The following CNTNAP2 variants were observed in gnomAD, a reference collection of about 807,000 sequenced individuals.
CNTNAP2 encodes contactin associated protein 2.
In CNTNAP2, 98 loss-of-function variants were observed where a neutral mutation model predicts 155.2. The observed-to-expected ratio is 0.63, with a 90% confidence interval of 0.54 to 0.75. The LOEUF is 0.75. Among genes scored for constraint, CNTNAP2 ranks in the 30% least tolerant of loss-of-function variants. The pLI, the probability that CNTNAP2 is intolerant of heterozygous loss-of-function variation, is 0.00. For missense variants in CNTNAP2, 1,727 were observed against 1,688.1 expected (o/e 1.02, Z -0.40); for synonymous variants, 651 against 631.2 (o/e 1.03, Z -0.47).
chr7:147,189,175 C>T (rs987421), intron 8 of CNTNAP2, among the ~76,000 whole-genome samples: 80,824 of 151,934 alleles, frequency 0.53, 22,084 homozygotes, highest in South Asian at 0.7. Context: ...AAATAAATAA[C>T]TTTTTTAAGA....
chr7:146,646,446 A>G (rs1165187079), intron 1 of CNTNAP2, among the ~76,000 whole-genome samples: 3 of 152,326 alleles, frequency 2.0e-5, no homozygotes, highest in African/African-American at 4.8e-5. Flanking sequence ...TATAAGTAGT[A>G]TAATATATAG....
intron 4 of CNTNAP2, among the ~76,000 whole-genome samples, chr7:147,091,675 G>A (rs894284265): frequency 2.0e-5 from 3 of 150,400 alleles, no homozygotes; most frequent in African/African-American, 7.3e-5. Context: ...GTGCGATCTC[G>A]GCTCACTGCA....
intron 13 of CNTNAP2, among the ~76,000 whole-genome samples, chr7:147,837,615 C>A (rs568068786): frequency 6.6e-6 from 1 of 152,112 alleles, no homozygotes; most frequent in Non-Finnish European, 1.5e-5. Flanking sequence ...TCCCTTCTGC[C>A]TATGAGCCAG....
At chr7:147,299,042 T>C (rs781050472) in intron 8 of CNTNAP2, among the ~76,000 whole-genome samples, 1 of 152,152 alleles carries the variant, frequency 6.6e-6, no homozygotes. Flanking sequence ...TTCTCTTTCT[T>C]TTGTGAAACT....
intron 10 of CNTNAP2, among the ~76,000 whole-genome samples, chr7:147,433,162 G>A (rs1797493908): frequency 2.0e-5 from 3 of 152,120 alleles, no homozygotes; most frequent in South Asian, 2.1e-4. Context: ...CCCCTGTGTC[G>A]TGACGCCTCT....
intron 1 of CNTNAP2, among the ~76,000 whole-genome samples, chr7:146,767,990 A>G (rs1314411186): frequency 1.3e-5 from 2 of 152,194 alleles, no homozygotes; most frequent in African/African-American, 4.8e-5. Flanking sequence ...AAGTTAAGTT[A>G]AACTTGACCC....
chr7:147,723,977 T>C (rs1464700154), intron 13 of CNTNAP2, among the ~76,000 whole-genome samples: 1 of 152,000 alleles, frequency 6.6e-6, no homozygotes, highest in African/African-American at 2.4e-5. Flanking sequence ...CTCTGTGATC[T>C]GCACAGTGTA....
chr7:148,144,519 A>G (rs1859538), intron 16 of CNTNAP2, among the ~76,000 whole-genome samples: 42,077 of 152,054 alleles, frequency 0.28, 6,012 homozygotes, highest in East Asian at 0.35. Flanking sequence ...TTCTGCCAGC[A>G]TCATCAGACT....
chr7:148,070,830 G>C (rs944238680), intron 15 of CNTNAP2, among the ~76,000 whole-genome samples: 4 of 152,126 alleles, frequency 2.6e-5, no homozygotes, highest in Non-Finnish European at 5.9e-5. Context: ...GGTAAACTTT[G>C]TTATATGGAA....
chr7:146,219,069 G>A (rs768649952), intron 1 of CNTNAP2, among the ~76,000 whole-genome samples: 1 of 152,138 alleles, frequency 6.6e-6, no homozygotes. Context: ...CAAAAGAGAC[G>A]CCAGGACCTT....
chr7:146,255,822 G>A (rs1799828652), intron 1 of CNTNAP2, among the ~76,000 whole-genome samples: 1 of 152,158 alleles, frequency 6.6e-6, no homozygotes, highest in African/African-American at 2.4e-5. Flanking sequence ...TTGCACTGTA[G>A]CAGTCCATTG....
At chr7:146,515,238 C>T (rs1204658418) in intron 1 of CNTNAP2, among the ~76,000 whole-genome samples, 1 of 152,010 alleles carries the variant, frequency 6.6e-6, no homozygotes, top group Non-Finnish European at 1.5e-5. Flanking sequence ...CAAAATGCTT[C>T]CCAACACATC....
At chr7:147,807,830 TTTGAG>T (rs1798116138) in intron 13 of CNTNAP2, among the ~76,000 whole-genome samples, 1 of 152,144 alleles carries the variant, frequency 6.6e-6, no homozygotes. Context: ...TAAGAGTTGT[TTTGAG>T]TTAAGCATTA....
intron 1 of CNTNAP2, among the ~76,000 whole-genome samples, chr7:146,186,320 A>G (rs1464959): frequency 0.3 from 46,185 of 152,070 alleles, 8,183 homozygotes; most frequent in African/African-American, 0.49. Context: ...CAACAGAAGG[A>G]AAAATGATTT....
intron 1 of CNTNAP2, among the ~76,000 whole-genome samples, chr7:146,135,287 G>A (rs1213143551): frequency 6.6e-6 from 1 of 151,984 alleles, no homozygotes; most frequent in East Asian, 1.9e-4. Flanking sequence ...TAATAGTGTA[G>A]TTCTATGATA....
chr7:146,225,108 G>C (rs1451171100), intron 1 of CNTNAP2, among the ~76,000 whole-genome samples: 1 of 152,150 alleles, frequency 6.6e-6, no homozygotes, highest in African/African-American at 2.4e-5. Flanking sequence ...TGAATACAGA[G>C]AGTGACTTTA....
intron 1 of CNTNAP2, among the ~76,000 whole-genome samples, chr7:146,569,444 G>C (rs1051117789): frequency 6.6e-6 from 1 of 152,156 alleles, no homozygotes; most frequent in African/African-American, 2.4e-5. Context: ...ACTTTATCTT[G>C]AGTGAAAAGA....
intron 3 of CNTNAP2, among the ~76,000 whole-genome samples, chr7:146,984,464 T>A (rs1045363236): frequency 6.6e-6 from 1 of 152,032 alleles, no homozygotes; most frequent in African/African-American, 2.4e-5. Context: ...TTTTTTTCTC[T>A]CTCCTATTCT....
At chr7:147,687,408 T>C (rs1160343694) in intron 13 of CNTNAP2, among the ~76,000 whole-genome samples, 1 of 152,122 alleles carries the variant, frequency 6.6e-6, no homozygotes, top group Admixed American at 6.6e-5. Flanking sequence ...ATATTTTTTC[T>C]GATTCTTTTA....
Sources: gnomAD v4.1 joint callset for allele counts (sites outside exome capture counted in the v4.1 genomes callset) on GRCh38, gnomAD v4.1.1 for gene constraint, MANE v1.5 for transcripts, NCBI Gene and HGNC (gene_info 2026-07-23, HGNC 2026-07-21) for gene names.